The following DYNC2LI1 variants were observed in gnomAD, a reference collection of about 807,000 sequenced individuals.
DYNC2LI1 encodes the protein dynein cytoplasmic 2 light intermediate chain 1.
DYNC2LI1 carries 45 observed loss-of-function variants against 51.9 expected under a neutral mutation model. The observed-to-expected ratio is 0.87, with a 90% CI of 0.68 to 1.11. DYNC2LI1 has a LOEUF of 1.11. DYNC2LI1 is among the 50% of genes most tolerant of loss of function. The probability of loss-of-function intolerance (pLI) is 0.00; values close to 1 mark genes in which losing one functional copy is unlikely to be tolerated. For missense variants in DYNC2LI1, 490 were observed against 417.4 expected (o/e 1.17, Z -1.51); for synonymous variants, 130 against 137.8 (o/e 0.94, Z 0.40).
At chr2:43,803,487 G>A (rs1284774597) in intron 10 of DYNC2LI1, among the ~76,000 whole-genome samples, 1 of 152,138 alleles carries the variant, frequency 6.6e-6, no homozygotes, top group Non-Finnish European at 1.5e-5. Context: ...AGAAATGGAG[G>A]CAGATTAGTG....
rs889125216 is a variant in DYNC2LI1 at position 43,795,164 on chromosome 2, A to G, written c.507+521A>G. Reference sequence around the variant, plus strand: ...AAGTTCTTCAAATACAATAATAAATATCATCATCTGGAAAACTGAGAGCAG... The same window carrying G: ...AAGTTCTTCAAATACAATAATAAATGTCATCATCTGGAAAACTGAGAGCAG... On this transcript the variant is annotated intron_variant, in intron 6 of 12. Transcript: ENST00000260605. The G allele has an allele frequency of 4.3e-5, 43 of 989,358 alleles. No individual in the cohort carries two copies. In the African/African-American group the frequency reaches 5.3e-4, roughly 12 times the overall value. The allele number at this position is 989,358 out of a possible 1,614,324, so 61.3% of individuals were successfully genotyped here. A position where few individuals can be genotyped will look rare whatever the true frequency, so the allele number is the denominator to read the frequency against.
At chr2:43,819,946 C>T in the DYNC2LI1 span, 1 of 1,613,958 alleles carries the variant, frequency 6.2e-7, no homozygotes. Context: ...AGCACCCCCG[C>T]AATGGACAGC....
the DYNC2LI1 span, chr2:43,823,763 A>G: frequency 3.7e-6 from 3 of 813,348 alleles, no homozygotes; most frequent in Admixed American, 2.8e-5. Context: ...TGGTAACTCA[A>G]TAGTTGCCTT....
At chr2:43,776,228 G>T (rs1673013831) in intron 1 of DYNC2LI1, among the ~76,000 whole-genome samples, 1 of 151,824 alleles carries the variant, frequency 6.6e-6, no homozygotes, top group South Asian at 2.1e-4. Flanking sequence ...CAGTAGTAGA[G>T]ATGGGATCTT....
chr2:43,819,538 T>C, the DYNC2LI1 span, among the ~76,000 whole-genome samples: 2 of 152,006 alleles, frequency 1.3e-5, no homozygotes, highest in African/African-American at 4.8e-5. Context: ...AATTGAGAAC[T>C]GCAGTTCACA....
At chr2:43,782,102 T>G (rs1364954561) in intron 2 of DYNC2LI1, among the ~76,000 whole-genome samples, 1 of 152,048 alleles carries the variant, frequency 6.6e-6, no homozygotes, top group African/African-American at 2.4e-5. Flanking sequence ...ATTATGAATG[T>G]TTTACTATGT....
intron 5 of DYNC2LI1, chr2:43,793,473 AAAC>A (rs1314383216): frequency 6.6e-6 from 1 of 152,268 alleles, no homozygotes; most frequent in East Asian, 1.9e-4. Flanking sequence ...CCTCCTCCAA[AAAC>A]AACAACAAAA....
Position 43,796,701 on chromosome 2 carries a change from A to T in DYNC2LI1, c.577-17A>T. On this transcript the variant is annotated splice_polypyrimidine_tract_variant and intron_variant, in intron 7 of 12. Coordinates refer to ENST00000260605, the MANE Select transcript of DYNC2LI1 (RefSeq NM_016008.4). ...TATTTGGTTATCTTGACTTTTTAAA[A>T]TAACATATTTCTACAGGATTTTGAG... is the stretch of plus-strand genomic sequence containing the variant. The T allele has an allele frequency of 1.3e-6, 2 of 1,587,774 alleles. No individual in the cohort carries two copies.
the DYNC2LI1 span, chr2:43,822,762 G>C: frequency 6.2e-7 from 1 of 1,613,956 alleles, no homozygotes; most frequent in Middle Eastern, 1.7e-4. Flanking sequence ...GACTCCATGG[G>C]AGCCCGGCCC....
intron 12 of DYNC2LI1, among the ~76,000 whole-genome samples, chr2:43,807,813 A>AC (rs1192415439): frequency 6.6e-6 from 1 of 150,686 alleles, no homozygotes; most frequent in Non-Finnish European, 1.5e-5. Flanking sequence ...TTCTTGGCCA[A>AC]CCACAGTTAT....
At position 43,809,977 on chromosome 2, in the gene DYNC2LI1, T is replaced by TA; in HGVS notation, c.*214dup. ...TTGTAGAACCACGTGTAATTTTTTT[T>TA]AAAATAAAAGAATCTTCTACTACCT... is the stretch of plus-strand genomic sequence containing the variant. On this transcript the variant is annotated 3_prime_UTR_variant, in exon 13 of 13. Coordinates refer to ENST00000260605, the MANE Select transcript of DYNC2LI1 (RefSeq NM_016008.4). 1 of 1,257,166 alleles carries TA rather than the reference T, an allele frequency of 8.0e-7. No individual in the cohort carries two copies. The allele number at this position is 1,257,166 out of a possible 1,614,324, so 77.9% of individuals were successfully genotyped here.
At chr2:43,826,132 T>A in the DYNC2LI1 span, among the ~76,000 whole-genome samples, 3 of 151,934 alleles carry the variant, frequency 2.0e-5, no homozygotes, top group Admixed American at 1.3e-4. Flanking sequence ...TGCACCACCA[T>A]GCCTGGCTAA....
rs781115586 is a variant in DYNC2LI1, at chr2:43,794,475, C to G, written c.339C>G (p.Leu113=). The change falls in exon 6 of 13, where the codon CTC becomes CTG. Residue 113 remains leucine, a synonymous_variant. Coordinates refer to ENST00000260605, the MANE Select transcript of DYNC2LI1 (RefSeq NM_016008.4). Reference sequence around the variant, plus strand: ...TCTTTAGGACGTTTTCTCTTGTTCTCGTTCTGGATCTTTCAAAACCTAATG... The same window carrying G: ...TCTTTAGGACGTTTTCTCTTGTTCTGGTTCTGGATCTTTCAAAACCTAATG... ...GDTLRTFSLV[L]VLDLSKPNDL... is the part of the protein sequence containing the mutation. 2.5e-6 allele frequency: 4 copies of G among 1,610,732 alleles called. No individual in the cohort carries two copies. Among genetic ancestry groups the G allele is most frequent in the Non-Finnish European group, 3.4e-6 (4 of 1,178,544 alleles).
At chr2:43,824,832 C>G in the DYNC2LI1 span, 1 of 1,605,888 alleles carries the variant, frequency 6.2e-7, no homozygotes, top group Non-Finnish European at 8.5e-7. Flanking sequence ...AGGCAGAAGT[C>G]TGAGATGAGA....
the DYNC2LI1 span, among the ~76,000 whole-genome samples, chr2:43,820,887 C>G: frequency 6.6e-6 from 1 of 152,146 alleles, no homozygotes; most frequent in Admixed American, 6.5e-5. Flanking sequence ...CTCCTGGCCT[C>G]AAGTGATCTG....
chr2:43,794,827 A>G (rs1673961337), intron 6 of DYNC2LI1, 184 bp downstream of exon 6: 5 of 1,454,780 alleles, frequency 3.4e-6, no homozygotes, highest in South Asian at 1.5e-5. Flanking sequence ...AAGGAAGAAG[A>G]TTCCTTATAT....
chr2:43,795,321 T>C (rs1401443170), intron 6 of DYNC2LI1: 2 of 356,538 alleles, frequency 5.6e-6, no homozygotes, highest in Non-Finnish European at 7.8e-6. Context: ...CTGGCCGACA[T>C]GGTGAAACCC....
intron 12 of DYNC2LI1, among the ~76,000 whole-genome samples, chr2:43,809,198 C>T (rs1343153554): frequency 6.6e-6 from 1 of 152,084 alleles, no homozygotes; most frequent in African/African-American, 2.4e-5. Flanking sequence ...CCCTATGTTG[C>T]CCAGGCTGGT....
chr2:43,826,320 T>C, the DYNC2LI1 span: 1 of 1,611,066 alleles, frequency 6.2e-7, no homozygotes, highest in South Asian at 1.1e-5. Context: ...ATCTTGCCCC[T>C]GCCCCTGTGA....
Sources: gnomAD v4.1 joint callset for allele counts (sites outside exome capture counted in the v4.1 genomes callset) on GRCh38, gnomAD v4.1.1 for gene constraint, MANE v1.5 for transcripts, NCBI Gene and HGNC (gene_info 2026-07-23, HGNC 2026-07-21) for gene names.